Variants in GPHN observed in about 807,000 individuals in gnomAD.
The protein encoded by GPHN is gephyrin.
Under a neutral mutation model 95.5 loss-of-function variants are expected in GPHN, and 17 were observed. The observed-to-expected ratio is 0.18, with a 90% confidence interval of 0.12 to 0.27. GPHN has a LOEUF of 0.27. Among genes scored for constraint, GPHN ranks in the 10% least tolerant of loss-of-function variants. The probability of loss-of-function intolerance (pLI) is 1.00; values close to 1 mark genes in which losing one functional copy is unlikely to be tolerated. For synonymous variants in GPHN, 320 were observed against 322.5 expected (o/e 0.99, Z 0.08); for missense variants, 660 against 978.1 (o/e 0.67, Z 4.34).
At chr14:66,974,459 T>A (rs941777290) in intron 9 of GPHN, among the ~76,000 whole-genome samples, 2 of 152,098 alleles carry the variant, frequency 1.3e-5, no homozygotes, top group African/African-American at 2.4e-5. Context: ...GAGCTATGTT[T>A]ATTACTGAAG....
intron 1 of GPHN, among the ~76,000 whole-genome samples, chr14:66,512,935 T>G (rs918578147): frequency 6.6e-6 from 1 of 151,776 alleles, no homozygotes; most frequent in Non-Finnish European, 1.5e-5. Flanking sequence ...AGTAGGCAAA[T>G]TACTATTAAA....
intron 8 of GPHN, among the ~76,000 whole-genome samples, chr14:66,939,474 A>AG (rs202114542): frequency 6.6e-6 from 1 of 152,070 alleles, no homozygotes; most frequent in Non-Finnish European, 1.5e-5. Context: ...GGAAAAAAAA[A>AG]GGGAAATTGG....
At chr14:67,547,352 C>T in the GPHN span, among the ~76,000 whole-genome samples, 8 of 152,292 alleles carry the variant, frequency 5.3e-5, no homozygotes, top group East Asian at 1.5e-3. Context: ...TGTGTCTGTC[C>T]TCTGCAATCA....
At chr14:66,954,796 C>T (rs2153581010) in intron 8 of GPHN, among the ~76,000 whole-genome samples, 1 of 152,208 alleles carries the variant, frequency 6.6e-6, no homozygotes, top group African/African-American at 2.4e-5. Flanking sequence ...CCTTATATTC[C>T]TAGTTTTCCA....
At chr14:66,528,533 A>G (rs963113993) in intron 1 of GPHN, among the ~76,000 whole-genome samples, 1 of 152,150 alleles carries the variant, frequency 6.6e-6, no homozygotes, top group African/African-American at 2.4e-5. Flanking sequence ...TTTGACCGTT[A>G]GTTGATGCAG....
At chr14:67,200,047 G>A in the GPHN span, 1 of 932,070 alleles carries the variant, frequency 1.1e-6, no homozygotes, top group Non-Finnish European at 1.6e-6. Flanking sequence ...CCCAGGCTCT[G>A]GGGGACAGCC....
intron 4 of GPHN, among the ~76,000 whole-genome samples, chr14:66,855,561 G>A (rs187990604): frequency 2.6e-5 from 4 of 152,020 alleles, no homozygotes; most frequent in Non-Finnish European, 4.4e-5. Flanking sequence ...TTCATCTTTT[G>A]GCTATGGGGA....
chr14:67,484,559 A>G, the GPHN span, among the ~76,000 whole-genome samples: 2 of 152,232 alleles, frequency 1.3e-5, no homozygotes. Flanking sequence ...GAAAGTCACT[A>G]TTAATGGTAT....
intron 10 of GPHN, among the ~76,000 whole-genome samples, chr14:67,057,113 CAG>C (rs1398251234): frequency 6.6e-6 from 1 of 152,172 alleles, no homozygotes; most frequent in Non-Finnish European, 1.5e-5. Flanking sequence ...TCGGCCAGCC[CAG>C]AGAGGGGTTC....
chr14:67,111,624 A>G (rs1250980832), intron 14 of GPHN, among the ~76,000 whole-genome samples: 1 of 152,172 alleles, frequency 6.6e-6, no homozygotes, highest in African/African-American at 2.4e-5. Context: ...GAATTGGTAC[A>G]TTTTTTAAAA....
intron 1 of GPHN, among the ~76,000 whole-genome samples, chr14:66,645,752 T>C (rs1019526413): frequency 1.3e-5 from 2 of 151,984 alleles, no homozygotes; most frequent in Non-Finnish European, 2.9e-5. Flanking sequence ...TATGCACCAT[T>C]TATTTATAAC....
At chr14:66,624,923 C>T (rs10135254) in intron 1 of GPHN, among the ~76,000 whole-genome samples, 47,214 of 152,046 alleles carry the variant, frequency 0.31, 11,174 homozygotes, top group African/African-American at 0.63. Flanking sequence ...GACACCCCTC[C>T]ATGGAGACAT....
intron 17 of GPHN, among the ~76,000 whole-genome samples, chr14:67,124,014 T>C (rs2079155574): frequency 6.6e-6 from 1 of 152,156 alleles, no homozygotes; most frequent in South Asian, 2.1e-4. Context: ...CCTGATTTTT[T>C]TTTCTTTCTC....
At chr14:67,383,759 A>G in the GPHN span, 1,916 of 319,674 alleles carry the variant, frequency 6.0e-3, 64 homozygotes, top group Admixed American at 0.06. Flanking sequence ...TTCTAGTTCA[A>G]TGCCTCACGA....
chr14:67,218,247 T>C, the GPHN span, among the ~76,000 whole-genome samples: 1 of 152,212 alleles, frequency 6.6e-6, no homozygotes, highest in Non-Finnish European at 1.5e-5. Flanking sequence ...CACACAGTTG[T>C]TGTCTATGAG....
At chr14:66,879,701 T>A (rs1227546736) in intron 4 of GPHN, among the ~76,000 whole-genome samples, 1 of 152,134 alleles carries the variant, frequency 6.6e-6, no homozygotes, top group African/African-American at 2.4e-5. Context: ...TTCTGAGCTA[T>A]AAGCAATATG....
chr14:67,017,004 C>G (rs1202003064), intron 9 of GPHN, among the ~76,000 whole-genome samples: 1 of 152,034 alleles, frequency 6.6e-6, no homozygotes, highest in Non-Finnish European at 1.5e-5. Context: ...AATTAAAGCT[C>G]TAAGTGTTAA....
the GPHN span, chr14:67,648,069 A>C: frequency 2.5e-6 from 4 of 1,613,184 alleles, no homozygotes; most frequent in Admixed American, 6.7e-5. Context: ...AATCCATTTG[A>C]GTTTTGATAT....
chr14:67,075,330 A>G (rs1567296344), intron 11 of GPHN, among the ~76,000 whole-genome samples: 1 of 152,162 alleles, frequency 6.6e-6, no homozygotes, highest in Non-Finnish European at 1.5e-5. Flanking sequence ...ATTCAGACAA[A>G]AAGATTTCTT....
Sources: gnomAD v4.1 joint callset for allele counts (sites outside exome capture counted in the v4.1 genomes callset) on GRCh38, gnomAD v4.1.1 for gene constraint, MANE v1.5 for transcripts, NCBI Gene and HGNC (gene_info 2026-07-23, HGNC 2026-07-21) for gene names.